Variants in ITGA8 observed in about 807,000 individuals in gnomAD.
ITGA8 encodes the protein integrin alpha-8.
Under a neutral mutation model 142.3 loss-of-function variants are expected in ITGA8, and 91 were observed. The observed-to-expected ratio is 0.64, with a 90% CI of 0.54 to 0.76. The LOEUF is 0.76. Ranked by LOEUF, ITGA8 falls within the 30% of genes least tolerant of loss-of-function variation. The pLI, the probability that ITGA8 is intolerant of heterozygous loss-of-function variation, is 0.00. For synonymous variants in ITGA8, 505 were observed against 485.2 expected, an observed-to-expected ratio of 1.04 and a Z score of -0.54; for missense variants, 1,406 against 1,327.7, an observed-to-expected ratio of 1.06 and a Z score of -0.92.
intron 13 of ITGA8, among the ~76,000 whole-genome samples, chr10:15,620,951 T>G (rs1057330061): frequency 5.9e-5 from 9 of 152,274 alleles, no homozygotes; most frequent in African/African-American, 2.2e-4. Context: ...TGCATAATTC[T>G]GTGCTTAGGA....
chr10:15,692,942 T>C (rs1189652028), intron 2 of ITGA8, among the ~76,000 whole-genome samples: 3 of 152,116 alleles, frequency 2.0e-5, no homozygotes, highest in African/African-American at 7.2e-5. Context: ...GTGATGCACA[T>C]CTGTAGTCTC....
intron 13 of ITGA8, among the ~76,000 whole-genome samples, chr10:15,639,936 A>G (rs1833840647): frequency 1.4e-5 from 2 of 137,972 alleles, no homozygotes; most frequent in Non-Finnish European, 3.1e-5. Flanking sequence ...TGTGAAGCTC[A>G]GAAGGCACAG....
At chr10:15,597,096 G>A in intron 21 of ITGA8, 111 bp downstream of exon 21, 5 of 788,142 alleles carry the variant, frequency 6.3e-6, no homozygotes, top group Admixed American at 1.9e-5. Context: ...TGCCTAATTT[G>A]TTGTTGCTGC....
chr10:15,699,526 A>G (rs1000898996), intron 2 of ITGA8, among the ~76,000 whole-genome samples: 10 of 152,202 alleles, frequency 6.6e-5, no homozygotes, highest in Admixed American at 6.5e-4. Flanking sequence ...CCTGTATAGC[A>G]TTGCATCCGA....
At chr10:15,686,885 T>C (rs1423341933) in intron 3 of ITGA8, among the ~76,000 whole-genome samples, 2 of 152,190 alleles carry the variant, frequency 1.3e-5, no homozygotes, top group African/African-American at 4.8e-5. Context: ...GCAACTATTA[T>C]ATGTTACAGC....
At chr10:15,697,352 A>G (rs1043048204) in intron 2 of ITGA8, among the ~76,000 whole-genome samples, 1 of 152,230 alleles carries the variant, frequency 6.6e-6, no homozygotes, top group Non-Finnish European at 1.5e-5. Flanking sequence ...TGAAGAATGG[A>G]CAATGTTTTT....
At chr10:15,547,434 T>C (rs963323062) in intron 27 of ITGA8, among the ~76,000 whole-genome samples, 1 of 152,168 alleles carries the variant, frequency 6.6e-6, no homozygotes, top group South Asian at 2.1e-4. Context: ...TAGCTGGGCA[T>C]GGTGGCCCAC....
chr10:15,710,345 T>C (rs970109525), intron 2 of ITGA8, among the ~76,000 whole-genome samples: 1 of 152,218 alleles, frequency 6.6e-6, no homozygotes, highest in African/African-American at 2.4e-5. Flanking sequence ...AATTGTGTGC[T>C]TTTATGCCCT....
chr10:15,520,548 G>A (rs1051261588), intron 28 of ITGA8, among the ~76,000 whole-genome samples: 2 of 152,236 alleles, frequency 1.3e-5, no homozygotes, highest in African/African-American at 4.8e-5. Context: ...CAGTGTCTAT[G>A]AACCACTCCC....
At position 15,719,592 on chromosome 10, in the gene ITGA8, G is replaced by C. The variant is rs767421664; in HGVS notation, c.180C>G (p.Ala60=). The C allele has an allele frequency of 6.4e-7, 1 of 1,561,602 alleles. No individual in the cohort carries two copies. The highest frequency in any genetic ancestry group is 8.6e-7 in the Non-Finnish European group (1 of 1,161,802). ...GGGCGTCGGGTATGTGGAAGTCCAC[G>C]GCGTAGCCGAAGTAGCTGCCCTTGG... ...SGPKGSYFGY[A]VDFHIPDART... The change falls in exon 1 of 30, where the codon GCC becomes GCG. Residue 60 remains alanine, a synonymous_variant. Transcript: ENST00000378076.
At chr10:15,673,572 A>G (rs554672344) in intron 6 of ITGA8, among the ~76,000 whole-genome samples, 2 of 152,328 alleles carry the variant, frequency 1.3e-5, no homozygotes, top group South Asian at 4.1e-4. Context: ...CTAATAAAAC[A>G]TTTTGTGCTC....
chr10:15,539,773 A>G (rs1833531372), intron 27 of ITGA8, among the ~76,000 whole-genome samples: 1 of 152,060 alleles, frequency 6.6e-6, no homozygotes, highest in African/African-American at 2.4e-5. Context: ...CACCTCAAAC[A>G]TTTGTCTTTT....
intron 20 of ITGA8, among the ~76,000 whole-genome samples, chr10:15,601,918 C>T (rs548547258): frequency 3.9e-5 from 6 of 152,230 alleles, no homozygotes; most frequent in Non-Finnish European, 7.4e-5. Context: ...GGCTTAGTCA[C>T]GTAAAATTCA....
chr10:15,706,761 A>G (rs1327446718), intron 2 of ITGA8, among the ~76,000 whole-genome samples: 5 of 152,262 alleles, frequency 3.3e-5, no homozygotes, highest in African/African-American at 1.2e-4. Context: ...TTTAAAAAAC[A>G]TAATTCAAAT....
intron 2 of ITGA8, among the ~76,000 whole-genome samples, chr10:15,694,257 TATACATCAGATAATATATC>T (rs1164559880): frequency 3.7e-4 from 35 of 95,366 alleles, no homozygotes; most frequent in African/African-American, 1.2e-3. Context: ...TATGATAACA[TATACATCAGATAATATATC>T]ATACATCAGA....
chr10:15,519,500 G>A, intron 28 of ITGA8, 88 bp from the exon 29 acceptor site: 1 of 1,335,876 alleles, frequency 7.5e-7, no homozygotes, highest in East Asian at 2.3e-5. Context: ...ATCGGAAGTT[G>A]ATCTGAAAGG....
At chr10:15,685,211 C>G (rs926830675) in intron 3 of ITGA8, among the ~76,000 whole-genome samples, 1 of 152,132 alleles carries the variant, frequency 6.6e-6, no homozygotes, top group Non-Finnish European at 1.5e-5. Context: ...AGAAATTTAT[C>G]GAGATAAACT....
chr10:15,687,281 T>G (rs556870960), intron 3 of ITGA8, among the ~76,000 whole-genome samples: 61 of 152,142 alleles, frequency 4.0e-4, no homozygotes, highest in South Asian at 3.5e-3. Flanking sequence ...TGTAAGGAAA[T>G]TAAAGCCAAT....
intron 13 of ITGA8, among the ~76,000 whole-genome samples, chr10:15,619,929 A>G (rs1342702886): frequency 6.6e-6 from 1 of 152,260 alleles, no homozygotes; most frequent in Non-Finnish European, 1.5e-5. Flanking sequence ...AAGGTGAAAT[A>G]TTTATTTAAT....
Sources: gnomAD v4.1 joint callset for allele counts (sites outside exome capture counted in the v4.1 genomes callset) on GRCh38, gnomAD v4.1.1 for gene constraint, MANE v1.5 for transcripts, NCBI Gene and HGNC (gene_info 2026-07-23, HGNC 2026-07-21) for gene names.